The following GHR variants were observed in gnomAD, a reference collection of about 807,000 sequenced individuals.
The protein encoded by GHR is growth hormone receptor.
In GHR, 35 loss-of-function variants were observed where a neutral mutation model predicts 67.1. That is an observed-to-expected ratio of 0.52 (90% CI 0.40 to 0.69). The LOEUF (loss-of-function observed/expected upper bound fraction) is 0.69. Ranked by LOEUF, GHR falls within the 30% of genes least tolerant of loss-of-function variation. The pLI is 0.00. For synonymous variants in GHR, 272 were observed against 269.1 expected (o/e 1.01, Z -0.10); for missense variants, 792 against 764.6 (o/e 1.04, Z -0.42).
At chr5:42,555,784 T>G (rs1285089645) in intron 1 of GHR, among the ~76,000 whole-genome samples, 3 of 152,166 alleles carry the variant, frequency 2.0e-5, no homozygotes, top group Non-Finnish European at 4.4e-5. Flanking sequence ...GAGACACAGC[T>G]ACTGCTTCCA....
intron 1 of GHR, among the ~76,000 whole-genome samples, chr5:42,562,900 C>T (rs1299335106): frequency 2.0e-5 from 3 of 152,122 alleles, no homozygotes; most frequent in Non-Finnish European, 4.4e-5. Context: ...CTGCCTGCCT[C>T]GGCCCCCCAA....
intron 2 of GHR, among the ~76,000 whole-genome samples, chr5:42,593,359 A>C (rs557560109): frequency 1.3e-5 from 2 of 152,344 alleles, no homozygotes; most frequent in South Asian, 4.1e-4. Context: ...CATTAGGCCA[A>C]TGGAAACTGT....
chr5:42,631,173 T>TA (rs2112750308), intron 3 of GHR, among the ~76,000 whole-genome samples: 1 of 152,318 alleles, frequency 6.6e-6, no homozygotes, highest in South Asian at 2.1e-4. Flanking sequence ...CTTGTTGAAA[T>TA]ACAGCCTCTA....
At chr5:42,673,316 G>A (rs182989919) in intron 3 of GHR, among the ~76,000 whole-genome samples, 21 of 152,212 alleles carry the variant, frequency 1.4e-4, no homozygotes, top group African/African-American at 5.1e-4. Context: ...TGCTGGGAAT[G>A]TAAGTTAGTT....
At chr5:42,572,895 T>A (rs1359830701) in intron 2 of GHR, among the ~76,000 whole-genome samples, 1 of 152,070 alleles carries the variant, frequency 6.6e-6, no homozygotes, top group African/African-American at 2.4e-5. Context: ...AGGTGAAGGG[T>A]GGCATTTGTT....
intron 1 of GHR, among the ~76,000 whole-genome samples, chr5:42,553,907 C>T (rs1749168018): frequency 6.6e-6 from 1 of 152,034 alleles, no homozygotes; most frequent in Non-Finnish European, 1.5e-5. Flanking sequence ...GACATAGATC[C>T]ATAAATCATC....
rs367951607 is a variant in GHR at position 42,525,274 on chromosome 5, TC to T, written c.-11-40588del. On this transcript the variant is annotated intron_variant, in intron 1 of 9. Coordinates refer to ENST00000230882, the MANE Select transcript of GHR (RefSeq NM_000163.5). ...CCCAAGACCATGGGAACCCACCTCTTCCATCAGCGTGACCTGGATGTGAGAC... is the reference window on the plus strand; with the variant it reads ...CCCAAGACCATGGGAACCCACCTCTTCATCAGCGTGACCTGGATGTGAGAC... Among the ~76,000 whole-genome samples, 239 of 152,338 alleles carry T rather than the reference TC, an allele frequency of 1.6e-3. 5 individuals carry two copies. In the South Asian group the frequency reaches 0.042, roughly 27 times the overall value.
intron 1 of GHR, among the ~76,000 whole-genome samples, chr5:42,550,624 G>GT (rs1379031998): frequency 6.6e-6 from 1 of 152,040 alleles, no homozygotes; most frequent in Non-Finnish European, 1.5e-5. Context: ...CAATCTCTCT[G>GT]TTTTTTCCTT....
At chr5:42,670,667 C>T (rs1756228395) in intron 3 of GHR, among the ~76,000 whole-genome samples, 1 of 151,658 alleles carries the variant, frequency 6.6e-6, no homozygotes, top group South Asian at 2.1e-4. Flanking sequence ...AATCAAACTA[C>T]TCAATAACAA....
rs189755272 is a variant in GHR at position 42,679,389 on chromosome 5, G to A, written c.137-9501G>A. Among the ~76,000 whole-genome samples, 315 of 151,784 alleles carry A rather than the reference G, an allele frequency of 2.1e-3. 1 individual carries two copies. The highest frequency in any genetic ancestry group is 7.4e-3 in the African/African-American group (305 of 41,430). On this transcript the variant is annotated intron_variant, in intron 3 of 9. Coordinates refer to ENST00000230882, the MANE Select transcript of GHR (RefSeq NM_000163.5). ...CACCTGTAATCCCAACACTTTGGGA[G>A]GCCGAGGTGGGTGGATCCCGAGGTC...
intron 1 of GHR, among the ~76,000 whole-genome samples, chr5:42,487,381 G>A (rs532035037): frequency 9.0e-4 from 137 of 152,248 alleles, no homozygotes; most frequent in African/African-American, 3.0e-3. Flanking sequence ...TAACGTAAGC[G>A]TTGGCAAAAA....
chr5:42,537,007 A>AT (rs757309775), intron 1 of GHR, among the ~76,000 whole-genome samples: 123 of 152,226 alleles, frequency 8.1e-4, no homozygotes, highest in African/African-American at 2.9e-3. Flanking sequence ...CAGTTGTAGT[A>AT]TCCCCCATTT....
At chr5:42,591,320 C>A (rs1251277701) in intron 2 of GHR, among the ~76,000 whole-genome samples, 2 of 152,184 alleles carry the variant, frequency 1.3e-5, no homozygotes, top group Non-Finnish European at 2.9e-5. Flanking sequence ...AACTTTTGAC[C>A]CTGTCTGAGA....
intron 1 of GHR, among the ~76,000 whole-genome samples, chr5:42,504,944 A>G (rs887148343): frequency 6.6e-6 from 1 of 152,158 alleles, no homozygotes; most frequent in Non-Finnish European, 1.5e-5. Flanking sequence ...AGCTAGCCCT[A>G]TTAGCCCAGG....
chr5:42,538,831 G>A lies in GHR; in HGVS notation c.-11-27033G>A, dbSNP rs143888966. 1.2e-3 allele frequency among the ~76,000 whole-genome samples: 177 copies of A among 152,134 alleles called. 2 individuals are homozygous for A. The East Asian group carries it at 0.029, about 25-fold the overall frequency. On this transcript the variant is annotated intron_variant, in intron 1 of 9. Coordinates refer to ENST00000230882, the MANE Select transcript of GHR (RefSeq NM_000163.5). ...ACACCAATTATTCTTAGGTTTGGTC[G>A]TTTAACATAATCCCAGACTTCTTGG...
intron 1 of GHR, among the ~76,000 whole-genome samples, chr5:42,448,573 C>CTATTAT (rs56084873): frequency 0.032 from 4,580 of 144,248 alleles, 96 homozygotes; most frequent in East Asian, 0.089. Flanking sequence ...TATCTGTTTA[C>CTATTAT]TATTATTATT....
chr5:42,638,547 T>G (rs1260725147), intron 3 of GHR, among the ~76,000 whole-genome samples: 1 of 152,210 alleles, frequency 6.6e-6, no homozygotes, highest in African/African-American at 2.4e-5. Context: ...TACAGCATGT[T>G]ACTGTACTGA....
At chr5:42,693,629 T>C (rs1267975538) in intron 4 of GHR, among the ~76,000 whole-genome samples, 1 of 152,054 alleles carries the variant, frequency 6.6e-6, no homozygotes, top group African/African-American at 2.4e-5. Flanking sequence ...AAGAAGGAAA[T>C]AGGCGTCTTC....
intron 1 of GHR, chr5:42,466,084 G>T (rs1260546563): frequency 8.6e-6 from 3 of 350,588 alleles, no homozygotes; most frequent in Non-Finnish European, 1.6e-5. Context: ...GCTGTTGGTT[G>T]CATCTTACCC....
Sources: allele counts gnomAD v4.1 joint callset (sites outside exome capture counted in the v4.1 genomes callset), GRCh38; gene constraint gnomAD v4.1.1; transcripts MANE v1.5; gene names NCBI Gene and HGNC (gene_info 2026-07-23, HGNC 2026-07-21).